The following CRK variants were observed in gnomAD, a reference collection of about 807,000 sequenced individuals.
The protein encoded by CRK is CRK proto-oncogene, adaptor protein.
A neutral mutation model predicts 29.8 loss-of-function variants in CRK; 4 were observed. The ratio of observed to expected loss-of-function variants is 0.13; its 90% CI spans 0.07 to 0.31. The LOEUF (loss-of-function observed/expected upper bound fraction) is 0.31. Ranked by LOEUF, CRK falls within the 10% of genes least tolerant of loss-of-function variation. The probability of loss-of-function intolerance (pLI) is 1.00; values close to 1 mark genes in which losing one functional copy is unlikely to be tolerated. For synonymous variants in CRK, 153 were observed against 164.9 expected, an observed-to-expected ratio of 0.93 and a Z score of 0.55; for missense variants, 274 against 396.5, an observed-to-expected ratio of 0.69 and a Z score of 2.62.
At chr17:1,426,794 G>T (rs7218940) in intron 2 of CRK, among the ~76,000 whole-genome samples, 4 of 151,798 alleles carry the variant, frequency 2.6e-5, no homozygotes, top group African/African-American at 9.7e-5. Flanking sequence ...CCTGGGAAGA[G>T]GAGGTTGCAG....
At chr17:1,432,964 T>C (rs1017779751) in intron 2 of CRK, among the ~76,000 whole-genome samples, 1 of 152,100 alleles carries the variant, frequency 6.6e-6, no homozygotes, top group Non-Finnish European at 1.5e-5. Flanking sequence ...AGGAAGCAAG[T>C]CCCGGCTGTA....
intron 1 of CRK, among the ~76,000 whole-genome samples, chr17:1,453,043 G>A (rs779762339): frequency 4.5e-4 from 69 of 152,218 alleles, no homozygotes; most frequent in Non-Finnish European, 8.1e-4. Flanking sequence ...AGGAGGTCAA[G>A]GCTGCAGTGA....
intron 2 of CRK, among the ~76,000 whole-genome samples, chr17:1,431,208 T>C (rs1448002650): frequency 1.3e-5 from 2 of 152,188 alleles, no homozygotes; most frequent in Non-Finnish European, 2.9e-5. Flanking sequence ...CTTCCTGTGG[T>C]GCCACATGTG....
intron 2 of CRK, among the ~76,000 whole-genome samples, chr17:1,430,075 G>A (rs1190633295): frequency 1.3e-5 from 2 of 148,484 alleles, no homozygotes; most frequent in East Asian, 2.0e-4. Flanking sequence ...ACAGAGTTTC[G>A]CTTTTGTTGC....
At chr17:1,425,216 A>G (rs1440886176) in intron 2 of CRK, among the ~76,000 whole-genome samples, 1 of 151,344 alleles carries the variant, frequency 6.6e-6, no homozygotes, top group Non-Finnish European at 1.5e-5. Flanking sequence ...CAGCCTCCCT[A>G]GTAGCTGGGA....
At chr17:1,428,068 A>C (rs1333831422) in intron 2 of CRK, among the ~76,000 whole-genome samples, 1 of 151,548 alleles carries the variant, frequency 6.6e-6, no homozygotes, top group Non-Finnish European at 1.5e-5. Context: ...CCAATTTCTC[A>C]AAATGTGGGG....
chr17:1,421,795 C>A lies in CRK; in HGVS notation c.*1718G>T, dbSNP rs2073727389. Reference sequence around the variant, plus strand: ...ATTTATCATTTTAACCTATGCAGAACAATTAGAAAGGCAGATTATTTTTCC... The same window carrying A: ...ATTTATCATTTTAACCTATGCAGAAAAATTAGAAAGGCAGATTATTTTTCC... On this transcript the variant is annotated 3_prime_UTR_variant, in exon 3 of 3. Coordinates refer to ENST00000300574, the MANE Select transcript of CRK (RefSeq NM_016823.4). The A allele has an allele frequency of 6.6e-6, 1 of 152,090 alleles. No individual in the cohort carries two copies. The highest frequency in any genetic ancestry group is 6.6e-5 in the Admixed American group (1 of 15,238). 9.4% of individuals were successfully genotyped at this position (152,090 alleles called of 1,614,324 possible).
intron 2 of CRK, 76 bp from the exon 3 acceptor site, chr17:1,423,726 G>C: frequency 6.4e-7 from 1 of 1,569,456 alleles, no homozygotes; most frequent in Non-Finnish European, 8.7e-7. Context: ...CTCTGGTTAG[G>C]CACACCCTGC....
chr17:1,434,525 G>A (rs760654126), intron 2 of CRK, among the ~76,000 whole-genome samples: 6 of 152,192 alleles, frequency 3.9e-5, no homozygotes, highest in Non-Finnish European at 8.8e-5. Flanking sequence ...GCTCACACCT[G>A]TAATCCCAGC....
At chr17:1,441,236 GT>G (rs2073932822) in intron 1 of CRK, among the ~76,000 whole-genome samples, 1 of 151,746 alleles carries the variant, frequency 6.6e-6, no homozygotes, top group African/African-American at 2.4e-5. Context: ...CCTTGGCTTT[GT>G]TTTTTGAGAC....
intron 2 of CRK, among the ~76,000 whole-genome samples, chr17:1,436,236 G>T (rs1426475485): frequency 6.6e-6 from 1 of 152,088 alleles, no homozygotes; most frequent in Non-Finnish European, 1.5e-5. Flanking sequence ...TGCTTTGATA[G>T]AGACCACTTA....
chr17:1,427,542 G>A (rs8080426), intron 2 of CRK, among the ~76,000 whole-genome samples: 56 of 151,374 alleles, frequency 3.7e-4, no homozygotes, highest in Admixed American at 8.5e-4. Flanking sequence ...GCAGTGAGCC[G>A]AGATCACGCC....
chr17:1,432,722 C>T (rs140241378), intron 2 of CRK, among the ~76,000 whole-genome samples: 4 of 146,858 alleles, frequency 2.7e-5, no homozygotes, highest in East Asian at 2.0e-4. Flanking sequence ...GCTTGCAGTG[C>T]GCCGAGATCA....
intron 2 of CRK, among the ~76,000 whole-genome samples, chr17:1,434,497 A>G (rs1033029222): frequency 2.0e-5 from 3 of 152,072 alleles, no homozygotes; most frequent in Admixed American, 2.0e-4. Context: ...CATTTCTAGA[A>G]ATTGGCCAGG....
intron 2 of CRK, chr17:1,426,454 G>A (rs111768190): frequency 1.2e-3 from 187 of 152,306 alleles, no homozygotes; most frequent in Non-Finnish European, 2.1e-3. Flanking sequence ...TCTGGGCAGG[G>A]TGCTGTGGGG....
At chr17:1,430,962 G>A (rs1365843653) in intron 2 of CRK, among the ~76,000 whole-genome samples, 1 of 151,954 alleles carries the variant, frequency 6.6e-6, no homozygotes, top group Non-Finnish European at 1.5e-5. Context: ...CAGCTGCTAG[G>A]GAGGCTGAGG....
chr17:1,435,283 C>G (rs1210534551), intron 2 of CRK, among the ~76,000 whole-genome samples: 1 of 152,034 alleles, frequency 6.6e-6, no homozygotes, highest in African/African-American at 2.4e-5. Context: ...AACTCCTGAG[C>G]TCAAGTGATC....
Position 1,433,510 on chromosome 17 carries a change from T to A in CRK, c.777+3110A>T, listed in dbSNP as rs904800459. Among the ~76,000 whole-genome samples, 66 of 35,850 alleles carry A rather than the reference T, an allele frequency of 1.8e-3. 2 individuals are homozygous for A. Among genetic ancestry groups the A allele is most frequent in the African/African-American group, 5.9e-3 (61 of 10,308 alleles). 23.5% of individuals were successfully genotyped at this position (35,850 alleles called of 152,430 possible). The stretch of plus-strand genomic sequence containing the variant: ...ACAGGTGCACACCACCACGCCTGGC[T>A]TTTTTTTTTTTTTTTTTTTTTTTTT... On this transcript the variant is annotated intron_variant, in intron 2 of 2. Transcript: ENST00000300574.
intron 1 of CRK, among the ~76,000 whole-genome samples, chr17:1,450,469 T>C (rs181378469): frequency 6.6e-6 from 1 of 151,760 alleles, no homozygotes; most frequent in Non-Finnish European, 1.5e-5. Context: ...ATCGCGCCAC[T>C]GCCCTCCGGC....
Sources: gnomAD v4.1 joint callset for allele counts (sites outside exome capture counted in the v4.1 genomes callset) on GRCh38, gnomAD v4.1.1 for gene constraint, MANE v1.5 for transcripts, NCBI Gene and HGNC (gene_info 2026-07-23, HGNC 2026-07-21) for gene names.